Variants in HEXA observed in about 807,000 individuals in gnomAD.
The protein encoded by HEXA is beta-hexosaminidase subunit alpha.
A neutral mutation model predicts 73.3 loss-of-function variants in HEXA; 54 were observed. That is an observed-to-expected ratio of 0.74 (90% CI 0.59 to 0.92). The LOEUF (loss-of-function observed/expected upper bound fraction) is 0.92, where lower values mean the gene tolerates loss of function less well. Ranked by LOEUF, HEXA falls within the 40% of genes least tolerant of loss-of-function variation. HEXA has a pLI of 0.00. For synonymous variants in HEXA, 230 were observed against 246.9 expected (o/e 0.93, Z 0.64); for missense variants, 649 against 653.0 (o/e 0.99, Z 0.07).
intron 1 of HEXA, chr15:72,370,450 G>T (rs916631125): frequency 3.8e-5 from 15 of 393,744 alleles, no homozygotes; most frequent in Non-Finnish European, 5.8e-5. Flanking sequence ...CAGCACTCGG[G>T]GAGGCCGAGA....
chr15:72,342,414 A>G lies in HEXA; in HGVS notation c.*1663T>C, dbSNP rs1374486946. 6.6e-6 allele frequency: 1 copy of G among 151,918 alleles called. No individual in the cohort carries two copies. Among genetic ancestry groups the G allele is most frequent in the Non-Finnish European group, 1.5e-5 (1 of 68,036 alleles). The allele number at this position is 151,918 out of a possible 1,614,324, so 9.4% of individuals were successfully genotyped here. A position where few individuals can be genotyped will look rare whatever the true frequency, so the allele number is the denominator to read the frequency against. ...TTCCTGAAGTTTCTGTATCCACTAC[A>G]CTGGAAGCTTTCTGAAAAAAATGCC... On this transcript the variant is annotated 3_prime_UTR_variant, in exon 14 of 14. Transcript: ENST00000268097.
At chr15:72,363,609 G>C (rs2088880332) in intron 1 of HEXA, among the ~76,000 whole-genome samples, 1 of 152,096 alleles carries the variant, frequency 6.6e-6, no homozygotes, top group Non-Finnish European at 1.5e-5. Flanking sequence ...CTAGATCATG[G>C]TACCTCCTCC....
At chr15:72,370,697 T>TAAAAAAAAAAAAC in intron 1 of HEXA, 2 of 338,630 alleles carry the variant, frequency 5.9e-6, no homozygotes, top group Non-Finnish European at 1.0e-5. Flanking sequence ...ACCTGTTTCT[T>TAAAAAAAAAAAAC]AAAAAAAAAA....
In HEXA at chr15:72,373,156, CA is replaced by C. The variant is rs1204723509; in HGVS notation, c.253+2563del. On this transcript the variant is annotated intron_variant, in intron 1 of 13. Transcript: ENST00000268097. ...AAAAAAACAAAAACAAACAAACAAA[CA>C]AAACCTACTGGCCCAGAGCCTACAA... is the stretch of plus-strand genomic sequence containing the variant. Among the ~76,000 whole-genome samples, 23 of 152,178 alleles carry C rather than the reference CA, an allele frequency of 1.5e-4. No individual in the cohort carries two copies. In the East Asian group the frequency reaches 4.3e-3, roughly 28 times the overall value.
intron 11 of HEXA, 37 bp downstream of exon 11, chr15:72,346,490 C>A: frequency 1.3e-6 from 2 of 1,599,410 alleles, no homozygotes; most frequent in South Asian, 2.2e-5. Flanking sequence ...CCCAACCCAG[C>A]CTCCTTTGGT....
intron 1 of HEXA, among the ~76,000 whole-genome samples, chr15:72,371,904 G>C (rs1309853219): frequency 1.3e-5 from 2 of 152,182 alleles, no homozygotes; most frequent in East Asian, 3.9e-4. Flanking sequence ...AAAAGGGCTG[G>C]AGAAGGGGGG....
chr15:72,348,027 C>A, intron 9 of HEXA, 21 bp downstream of exon 9: 1 of 1,569,176 alleles, frequency 6.4e-7, no homozygotes, highest in East Asian at 2.2e-5. Context: ...GGGACCCCAC[C>A]CACCCTCCTT....
rs3087652 is a variant in HEXA, at chr15:72,343,562, C to T, written c.*515G>A. On this transcript the variant is annotated 3_prime_UTR_variant, in exon 14 of 14. Transcript: ENST00000268097. Reference sequence around the variant, plus strand: ...GAGTATGCATGGGGGAGAGGCTCTTCTGTGACCAGGTTGGGTCTGGAGCCC... The same window carrying T: ...GAGTATGCATGGGGGAGAGGCTCTTTTGTGACCAGGTTGGGTCTGGAGCCC... 122,680 of 162,730 alleles carry T rather than the reference C, an allele frequency of 0.75. 52,573 individuals carry two copies. The highest frequency in any genetic ancestry group is 0.94 in the Non-Finnish European group (68,850 of 73,184). The allele number at this position is 162,730 out of a possible 1,614,324, so 10.1% of individuals were successfully genotyped here.
At chr15:72,362,056 A>G (rs2088858584) in intron 1 of HEXA, among the ~76,000 whole-genome samples, 1 of 152,254 alleles carries the variant, frequency 6.6e-6, no homozygotes, top group Non-Finnish European at 1.5e-5. Flanking sequence ...CTGGGTAATC[A>G]TAAGAAAATG....
chr15:72,353,568 T>A, intron 4 of HEXA, 123 bp downstream of exon 4: 1 of 766,980 alleles, frequency 1.3e-6, no homozygotes. Flanking sequence ...CCTCTTCCAT[T>A]TCTACTGGGG....
chr15:72,344,749 T>G (rs2088587991), intron 13 of HEXA, among the ~76,000 whole-genome samples: 1 of 152,196 alleles, frequency 6.6e-6, no homozygotes, highest in East Asian at 1.9e-4. Flanking sequence ...TGCTTGACTC[T>G]CAGCCCAGGA....
At chr15:72,373,100 C>CA (rs1465996708) in intron 1 of HEXA, among the ~76,000 whole-genome samples, 1 of 152,110 alleles carries the variant, frequency 6.6e-6, no homozygotes, top group Non-Finnish European at 1.5e-5. Flanking sequence ...CACTGAACTC[C>CA]AGCCTAGGTG....
intron 4 of HEXA, 41 bp downstream of exon 4, chr15:72,353,650 C>T: frequency 6.7e-7 from 1 of 1,501,020 alleles, no homozygotes; most frequent in Non-Finnish European, 9.3e-7. Context: ...GATCCAACCC[C>T]AGAGATGAAA....
At chr15:72,346,126 G>T in intron 12 of HEXA, 109 bp downstream of exon 12, 1 of 779,948 alleles carries the variant, frequency 1.3e-6, no homozygotes, top group Non-Finnish European at 2.3e-6. Flanking sequence ...CTCTCTCTCA[G>T]GCCTGAAAGA....
Position 72,346,215 on chromosome 15 carries a change from T to A in HEXA, c.1421+20A>T, listed in dbSNP as rs2088610341. The A allele has an allele frequency of 6.3e-7, 1 of 1,587,522 alleles. No individual in the cohort carries two copies. The highest frequency in any genetic ancestry group is 2.2e-5 in the East Asian group (1 of 44,738). ...CTGCTCTCAGGCCCAACCCTCCACC[T>A]CCCCCCCGAAAACCCTTACCAGAGC... On this transcript the variant is annotated intron_variant, in intron 12 of 13. Coordinates refer to ENST00000268097, the MANE Select transcript of HEXA (RefSeq NM_000520.6).
intron 1 of HEXA, among the ~76,000 whole-genome samples, chr15:72,372,753 C>A (rs1211362991): frequency 6.6e-6 from 1 of 152,324 alleles, no homozygotes; most frequent in East Asian, 1.9e-4. Context: ...AACTGAACCT[C>A]AATACCAGAC....
In HEXA at chr15:72,341,974, A is replaced by T. The variant is rs943630661; in HGVS notation, c.*2103T>A. On this transcript the variant is annotated 3_prime_UTR_variant, in exon 14 of 14. Transcript: ENST00000268097. Reference sequence around the variant, plus strand: ...CAAGTGTATCACGATCTCTGCCTTCATCCACTTGAGACTTAAAACTCAGTG... The same window carrying T: ...CAAGTGTATCACGATCTCTGCCTTCTTCCACTTGAGACTTAAAACTCAGTG... 6.6e-6 allele frequency: 1 copy of T among 152,222 alleles called. No homozygotes were observed. Among genetic ancestry groups the T allele is most frequent in the Non-Finnish European group, 1.5e-5 (1 of 68,046 alleles). The allele number at this position is 152,222 out of a possible 1,614,324, so 9.4% of individuals were successfully genotyped here. A position where few individuals can be genotyped will look rare whatever the true frequency, so the allele number is the denominator to read the frequency against.
At chr15:72,347,625 A>T (rs770232970) in intron 10 of HEXA, 61 bp downstream of exon 10, 19 of 1,298,794 alleles carry the variant, frequency 1.5e-5, no homozygotes, top group African/African-American at 4.4e-5. Flanking sequence ...GGCAGGGAGG[A>T]GCTGGGGAGA....
At chr15:72,374,221 A>ATT (rs34736306) in intron 1 of HEXA, among the ~76,000 whole-genome samples, 27 of 151,402 alleles carry the variant, frequency 1.8e-4, no homozygotes, top group South Asian at 2.1e-4. Flanking sequence ...AGTTAGACGG[A>ATT]TTTTTTTTTC....
Sources: gnomAD v4.1 joint callset for allele counts (sites outside exome capture counted in the v4.1 genomes callset) on GRCh38, gnomAD v4.1.1 for gene constraint, MANE v1.5 for transcripts, NCBI Gene and HGNC (gene_info 2026-07-23, HGNC 2026-07-21) for gene names.